The following NAV3 variants were observed in gnomAD, a reference collection of about 807,000 sequenced individuals.
NAV3 encodes neuron navigator 3.
NAV3 carries 87 observed loss-of-function variants against 244.7 expected under a neutral mutation model. The observed-to-expected ratio is 0.36, with a 90% CI of 0.30 to 0.42. The LOEUF is 0.42. Among genes scored for constraint, NAV3 ranks in the 20% least tolerant of loss-of-function variants. NAV3 has a pLI of 1.00. For missense variants in NAV3, 2,663 were observed against 2,893.3 expected, an observed-to-expected ratio of 0.92 and a Z score of 1.83; for synonymous variants, 1,126 against 1,042.2, an observed-to-expected ratio of 1.08 and a Z score of -1.55.
chr12:78,177,251 G>T lies in NAV3; in HGVS notation c.5235G>T (p.Lys1745Asn). The part of the protein sequence containing the change: ...LTDSSLPASP[K>N]LPHNAGDCGS... Reference sequence around the variant, plus strand: ...ATTCATCCCTTCCGGCATCCCCCAAGTTACCCCATAATGCTGGTGACTGTG... The same window carrying T: ...ATTCATCCCTTCCGGCATCCCCCAATTTACCCCATAATGCTGGTGACTGTG... The change falls in exon 27 of 40, where the codon AAG (lysine) becomes AAT (asparagine). Residue 1745 changes from lysine to asparagine, a missense_variant. By Grantham distance (94) the Lys-to-Asn change is moderately conservative (BLOSUM62 0). Around this residue, in one of 6 missense-constraint regions of NAV3, gnomAD observed 193 missense variants for 200.7 expected, o/e 0.96. Coordinates refer to ENST00000397909, the MANE Select transcript of NAV3 (RefSeq NM_001024383.2). 1 of 1,613,534 alleles carries T rather than the reference G, an allele frequency of 6.2e-7. No homozygotes were observed. Among genetic ancestry groups the T allele is most frequent in the South Asian group, 1.1e-5 (1 of 91,064 alleles).
In NAV3 at chr12:78,195,737, T is replaced by G. The variant is rs1054270541; in HGVS notation, c.6292-1510T>G. 3.3e-5 allele frequency among the ~76,000 whole-genome samples: 5 copies of G among 151,996 alleles called. No homozygotes were observed. In the East Asian group the frequency reaches 9.7e-4, roughly 29 times the overall value. On this transcript the variant is annotated intron_variant, in intron 34 of 39. Coordinates refer to ENST00000397909, the MANE Select transcript of NAV3 (RefSeq NM_001024383.2). ...CCACTCAGGCTCCAGTGTTACCTCC[T>G]CCAGAAAACCATTCTTGACACCCAG...
intron 20 of NAV3, among the ~76,000 whole-genome samples, chr12:78,141,712 G>A (rs1182507101): frequency 1.3e-5 from 2 of 152,032 alleles, no homozygotes; most frequent in African/African-American, 4.8e-5. Flanking sequence ...TTAGTTTTTA[G>A]GTAAATGTAC....
chr12:77,579,784 T>C (rs1158774061), intron 2 of NAV3, among the ~76,000 whole-genome samples: 2 of 152,196 alleles, frequency 1.3e-5, no homozygotes, highest in African/African-American at 4.8e-5. Context: ...CAGTAAAACA[T>C]AGTACAGCAA....
At chr12:77,641,298 A>G (rs1341716645) in intron 2 of NAV3, among the ~76,000 whole-genome samples, 1 of 151,998 alleles carries the variant, frequency 6.6e-6, no homozygotes, top group Non-Finnish European at 1.5e-5. Flanking sequence ...CTCAGTGAGA[A>G]ATTTTAAGAG....
chr12:77,848,997 C>T (rs1000052655), intron 1 of NAV3, among the ~76,000 whole-genome samples: 2 of 152,156 alleles, frequency 1.3e-5, no homozygotes, highest in Non-Finnish European at 2.9e-5. Context: ...TTGGGAATTA[C>T]TGCATAATAG....
At chr12:77,730,955 G>A (rs1163017626) in intron 2 of NAV3, among the ~76,000 whole-genome samples, 7 of 151,846 alleles carry the variant, frequency 4.6e-5, no homozygotes, top group African/African-American at 1.7e-4. Flanking sequence ...AAAGGAAAAT[G>A]ATTGCCAACC....
chr12:77,796,046 A>G (rs1258000565), intron 2 of NAV3, among the ~76,000 whole-genome samples: 4 of 152,182 alleles, frequency 2.6e-5, no homozygotes, highest in African/African-American at 9.7e-5. Flanking sequence ...TCAAGTAGTA[A>G]TTTTGACTTT....
chr12:77,753,299 C>T (rs1469337214), intron 2 of NAV3, among the ~76,000 whole-genome samples: 1 of 152,126 alleles, frequency 6.6e-6, no homozygotes, highest in African/African-American at 2.4e-5. Flanking sequence ...ACATTGTAGG[C>T]ACCTAATGCA....
intron 6 of NAV3, among the ~76,000 whole-genome samples, chr12:77,997,520 G>A (rs908527564): frequency 6.6e-6 from 1 of 152,144 alleles, no homozygotes; most frequent in Admixed American, 6.5e-5. Flanking sequence ...AAGATAGTCT[G>A]TTCATATTTC....
chr12:77,833,434 A>G (rs946291955), intron 1 of NAV3, among the ~76,000 whole-genome samples: 8 of 152,172 alleles, frequency 5.3e-5, no homozygotes, highest in Admixed American at 5.2e-4. Flanking sequence ...TCCCCCTCAC[A>G]GGGCATGTGA....
At chr12:78,167,008 T>C (rs1487645713) in intron 23 of NAV3, among the ~76,000 whole-genome samples, 1 of 151,846 alleles carries the variant, frequency 6.6e-6, no homozygotes, top group African/African-American at 2.4e-5. Context: ...AATATTTACA[T>C]TCCATGATTC....
chr12:78,198,918 C>CAAAAAAA (rs71088371), intron 36 of NAV3, among the ~76,000 whole-genome samples: 8 of 99,504 alleles, frequency 8.0e-5, no homozygotes, highest in Admixed American at 1.0e-4. Context: ...TAAACAAAAA[C>CAAAAAAA]AAAAAAAAAA....
intron 8 of NAV3, among the ~76,000 whole-genome samples, chr12:78,016,920 G>C (rs758293370): frequency 8.5e-5 from 13 of 152,092 alleles, no homozygotes; most frequent in Non-Finnish European, 1.8e-4. Flanking sequence ...TAACGACCGA[G>C]TGACTGAGCT....
Position 78,059,123 on chromosome 12 carries a change from T to A in NAV3, c.2636+8T>A, listed in dbSNP as rs367546954. 6.2e-7 allele frequency: 1 copy of A among 1,608,676 alleles called. No homozygotes were observed. The highest frequency in any genetic ancestry group is 8.5e-7 in the Non-Finnish European group (1 of 1,177,720). ...GACAGTGGATGCAGACAGGTAATGCTATCAGCATATATGATGGTGAGACAT... is the reference window on the plus strand; with the variant it reads ...GACAGTGGATGCAGACAGGTAATGCAATCAGCATATATGATGGTGAGACAT... On this transcript the variant is annotated splice_region_variant and intron_variant, in intron 12 of 39. Transcript: ENST00000397909.
chr12:78,137,499 G>A (rs1956425041), intron 19 of NAV3, 134 bp downstream of exon 19: 1 of 880,266 alleles, frequency 1.1e-6, no homozygotes, highest in Admixed American at 3.4e-5. Context: ...GAAACTAGAA[G>A]CTTGAAGAAG....
chr12:77,851,424 C>G (rs1262727669), intron 1 of NAV3, among the ~76,000 whole-genome samples: 1 of 152,120 alleles, frequency 6.6e-6, no homozygotes, highest in African/African-American at 2.4e-5. Flanking sequence ...GCTGTGGTAA[C>G]CAAGATTTTG....
At chr12:77,980,535 C>T (rs1233322509) in intron 5 of NAV3, among the ~76,000 whole-genome samples, 1 of 152,174 alleles carries the variant, frequency 6.6e-6, no homozygotes, top group Non-Finnish European at 1.5e-5. Flanking sequence ...TGATTTTTCA[C>T]TGATCTGTGT....
At chr12:78,070,394 C>T (rs1952696121) in intron 12 of NAV3, among the ~76,000 whole-genome samples, 1 of 149,814 alleles carries the variant, frequency 6.7e-6, no homozygotes. Flanking sequence ...GATTTATACT[C>T]AGGTGAAGTT....
intron 1 of NAV3, among the ~76,000 whole-genome samples, chr12:77,929,935 C>T (rs1888620407): frequency 6.6e-6 from 1 of 151,720 alleles, no homozygotes; most frequent in Non-Finnish European, 1.5e-5. Context: ...AGGCATGAGC[C>T]ACCATGCCTG....
Sources: gnomAD v4.1 joint callset for allele counts (sites outside exome capture counted in the v4.1 genomes callset) on GRCh38, gnomAD v4.1.1 for gene constraint, gnomAD v4.1.1 regional missense constraint, MANE v1.5 for transcripts, NCBI Gene and HGNC (gene_info 2026-07-23, HGNC 2026-07-21) for gene names.